The following SLC44A5 variants were observed in gnomAD, a reference collection of about 807,000 sequenced individuals.
The protein encoded by SLC44A5 is choline transporter-like protein 5.
SLC44A5 carries 57 observed loss-of-function variants against 101.8 expected under a neutral mutation model. The observed-to-expected ratio is 0.56, with a 90% CI of 0.45 to 0.70. The LOEUF (loss-of-function observed/expected upper bound fraction) is 0.70. SLC44A5 is among the 30% of genes least tolerant of loss of function. The pLI is 0.00. For synonymous variants in SLC44A5, 281 were observed against 290.9 expected, an observed-to-expected ratio of 0.97 and a Z score of 0.35; for missense variants, 737 against 853.1, an observed-to-expected ratio of 0.86 and a Z score of 1.70.
chr1:75,584,566 G>T (rs1009574824), intron 1 of SLC44A5, among the ~76,000 whole-genome samples: 1 of 152,010 alleles, frequency 6.6e-6, no homozygotes, highest in African/African-American at 2.4e-5. Flanking sequence ...GCTTTTGGGG[G>T]TTTTGTGGGG....
chr1:75,217,906 C>T lies in SLC44A5; in HGVS notation c.1584G>A (p.Met528Ile). 1 of 1,605,374 alleles carries T rather than the reference C, an allele frequency of 6.2e-7. No homozygotes were observed. Among genetic ancestry groups the T allele is most frequent in the Non-Finnish European group, 8.5e-7 (1 of 1,172,418 alleles). Residue 528 changes from methionine to isoleucine, a missense_variant, in exon 18 of 24, where the codon ATG (methionine) becomes ATA (isoleucine). By Grantham distance (10) the Met-to-Ile change is conservative. Transcript: ENST00000370859. ...FGSLIIALIQMFKIVLEYLDH... is the reference protein window; with the variant it reads ...FGSLIIALIQIFKIVLEYLDH... The stretch of plus-strand genomic sequence containing the variant: ...CCAAGTATTCTAGTACAATTTTAAA[C>T]ATTTGAATTAATGCAATAATTAAAG...
rs558485927 is a variant in SLC44A5, at chr1:75,226,698, C to T, written c.985+1028G>A. On this transcript the variant is annotated intron_variant, in intron 13 of 23. Transcript: ENST00000370859. ...GCTTCCTTGAATGTGTCTTGTCTGG[C>T]TCTCTAACTTCAAGAATATAAAGAT... Among the ~76,000 whole-genome samples the T allele has an allele frequency of 1.0e-3, 157 of 151,886 alleles. 1 individual carries two copies. Among genetic ancestry groups the T allele is most frequent in the Non-Finnish European group, 1.5e-3 (102 of 68,000 alleles).
chr1:75,225,192 A>T (rs145450631), intron 13 of SLC44A5, among the ~76,000 whole-genome samples: 44 of 152,278 alleles, frequency 2.9e-4, no homozygotes, highest in African/African-American at 1.0e-3. Flanking sequence ...TTATGTTTAG[A>T]TATACAAACT....
chr1:75,681,253 T>C, the SLC44A5 span, among the ~76,000 whole-genome samples: 1 of 152,282 alleles, frequency 6.6e-6, no homozygotes, highest in South Asian at 2.1e-4. Flanking sequence ...CCTAACTCAG[T>C]TTATGAGGCC....
intron 4 of SLC44A5, among the ~76,000 whole-genome samples, chr1:75,309,094 C>A (rs545321197): frequency 6.6e-6 from 1 of 152,194 alleles, no homozygotes; most frequent in East Asian, 1.9e-4. Context: ...AAACACTGCA[C>A]TGTTTATAAT....
chr1:75,318,996 T>C (rs1427453255), intron 4 of SLC44A5, among the ~76,000 whole-genome samples: 2 of 152,136 alleles, frequency 1.3e-5, no homozygotes, highest in Admixed American at 1.3e-4. Context: ...TTTCTGGATC[T>C]GCAAATATGT....
intron 2 of SLC44A5, among the ~76,000 whole-genome samples, chr1:75,511,144 G>GA (rs1669552927): frequency 1.3e-5 from 2 of 151,668 alleles, no homozygotes; most frequent in African/African-American, 2.4e-5. Flanking sequence ...CTCCGTCTCA[G>GA]AAAAAAAGAA....
chr1:75,338,678 A>C (rs1399548487), intron 4 of SLC44A5, among the ~76,000 whole-genome samples: 2 of 152,198 alleles, frequency 1.3e-5, no homozygotes, highest in Non-Finnish European at 2.9e-5. Context: ...GTATACCTTT[A>C]AATGAGTAAC....
Position 75,378,155 on chromosome 1 carries a change from C to A in SLC44A5, c.52+18428G>T, listed in dbSNP as rs1223285972. 7.4e-5 allele frequency among the ~76,000 whole-genome samples: 6 copies of A among 80,926 alleles called. No individual in the cohort carries two copies. In the South Asian group the frequency reaches 1.5e-3, roughly 20 times the overall value. 53.1% of individuals were successfully genotyped at this position (80,926 alleles called of 152,430 possible). On this transcript the variant is annotated intron_variant, in intron 3 of 23. Coordinates refer to ENST00000370859, the MANE Select transcript of SLC44A5 (RefSeq NM_001130058.2). ...AGATCCCAAGTACGTCTACAGTCAGCCTTACAGTAAGCTTGTGCGCTCGGA... is the reference window on the plus strand; with the variant it reads ...AGATCCCAAGTACGTCTACAGTCAGACTTACAGTAAGCTTGTGCGCTCGGA...
intron 4 of SLC44A5, among the ~76,000 whole-genome samples, chr1:75,321,269 C>A (rs935351002): frequency 3.9e-5 from 6 of 152,206 alleles, no homozygotes; most frequent in Admixed American, 2.6e-4. Context: ...CAATTTATTT[C>A]TCTTAGCTCA....
chr1:75,543,254 T>C (rs977693112), intron 1 of SLC44A5, among the ~76,000 whole-genome samples: 1 of 152,134 alleles, frequency 6.6e-6, no homozygotes, highest in African/African-American at 2.4e-5. Context: ...TCTACAATAC[T>C]AAATTGCTTA....
chr1:75,601,815 G>A (rs1433204987), intron 1 of SLC44A5, among the ~76,000 whole-genome samples: 3 of 151,992 alleles, frequency 2.0e-5, no homozygotes, highest in Admixed American at 6.6e-5. Flanking sequence ...TTCCCACCCC[G>A]AGTTGTTTTC....
At chr1:75,723,104 CA>C in the SLC44A5 span, among the ~76,000 whole-genome samples, 12 of 152,162 alleles carry the variant, frequency 7.9e-5, no homozygotes, top group Admixed American at 5.9e-4. Context: ...AGTTGCTAGC[CA>C]ATCAGGACAA....
chr1:75,328,852 C>T (rs943147391), intron 4 of SLC44A5, among the ~76,000 whole-genome samples: 16 of 152,112 alleles, frequency 1.1e-4, no homozygotes, highest in African/African-American at 3.9e-4. Context: ...TGCTGTGATC[C>T]GCATGAAAAA....
rs1288667648 is a variant in SLC44A5 at position 75,489,281 on chromosome 1, C to G, written c.13+52154G>C. ...TCATGTGTGTGAGGAGAGGAGGAGTCAGAAAGCTTTAATGAACTGAAAATA... is the reference window on the plus strand; with the variant it reads ...TCATGTGTGTGAGGAGAGGAGGAGTGAGAAAGCTTTAATGAACTGAAAATA... On this transcript the variant is annotated intron_variant, in intron 2 of 23. Transcript: ENST00000370859. Among the ~76,000 whole-genome samples, 7 of 152,078 alleles carry G rather than the reference C, an allele frequency of 4.6e-5. No homozygotes were observed. In the East Asian group the frequency reaches 1.3e-3, roughly 29 times the overall value.
At chr1:75,558,176 T>C (rs1400030234) in intron 1 of SLC44A5, among the ~76,000 whole-genome samples, 1 of 152,158 alleles carries the variant, frequency 6.6e-6, no homozygotes, top group Non-Finnish European at 1.5e-5. Flanking sequence ...TCTTTGGATG[T>C]AACTGCAAGG....
At chr1:75,569,844 C>A (rs11163701) in intron 1 of SLC44A5, among the ~76,000 whole-genome samples, 4,287 of 152,210 alleles carry the variant, frequency 0.028, 187 homozygotes, top group African/African-American at 0.097. Context: ...GATAAGGATT[C>A]TATACCACAA....
chr1:75,390,646 T>A (rs945743956), intron 3 of SLC44A5, among the ~76,000 whole-genome samples: 3 of 152,114 alleles, frequency 2.0e-5, no homozygotes, highest in South Asian at 2.1e-4. Flanking sequence ...CTCAGTTTTT[T>A]AAAAATCTTC....
intron 1 of SLC44A5, among the ~76,000 whole-genome samples, chr1:75,542,527 T>G (rs975978962): frequency 7.9e-5 from 12 of 152,142 alleles, no homozygotes; most frequent in Non-Finnish European, 1.6e-4. Flanking sequence ...TATCATTTTT[T>G]AAGTATCTAC....
Sources: allele counts gnomAD v4.1 joint callset (sites outside exome capture counted in the v4.1 genomes callset), GRCh38; gene constraint gnomAD v4.1.1; transcripts MANE v1.5; gene names NCBI Gene and HGNC (gene_info 2026-07-23, HGNC 2026-07-21).